SNX14: variants seen among roughly 807,000 people sequenced by gnomAD.
SNX14 encodes sorting nexin-14.
SNX14 carries 93 observed loss-of-function variants against 133.8 expected under a neutral mutation model. The ratio of observed to expected loss-of-function variants is 0.70; its 90% CI spans 0.59 to 0.83. The LOEUF is 0.83. Ranked by LOEUF, SNX14 falls within the 40% of genes least tolerant of loss-of-function variation. The pLI is 0.00. For synonymous variants in SNX14, 368 were observed against 365.6 expected (o/e 1.01, Z -0.07); for missense variants, 945 against 1,094.9 (o/e 0.86, Z 1.93).
At chr6:85,576,209 C>T (rs1469388589) in intron 1 of SNX14, among the ~76,000 whole-genome samples, 3 of 152,130 alleles carry the variant, frequency 2.0e-5, no homozygotes, top group Non-Finnish European at 4.4e-5. Context: ...TATTATCTTA[C>T]AAGAAAATGC....
At chr6:85,591,218 ATC>A (rs1161571288) in intron 1 of SNX14, among the ~76,000 whole-genome samples, 6 of 104,138 alleles carry the variant, frequency 5.8e-5, no homozygotes, top group African/African-American at 1.1e-4. Flanking sequence ...TACTCTTATC[ATC>A]TGTGTGTGTG....
chr6:85,527,705 A>G lies in SNX14; in HGVS notation c.1995+557T>C, dbSNP rs76087123. On this transcript the variant is annotated intron_variant, in intron 20 of 28. Transcript: ENST00000314673. Reference sequence around the variant, plus strand: ...TGACTGTACCATGTATTTAAATAATACACCCATACATTTTAACATAATGTA... The same window carrying G: ...TGACTGTACCATGTATTTAAATAATGCACCCATACATTTTAACATAATGTA... Among the ~76,000 whole-genome samples the G allele has an allele frequency of 1.3e-4, 20 of 152,288 alleles. No homozygotes were observed. The East Asian group carries it at 2.9e-3, about 22-fold the overall frequency.
rs1301967087 is a variant in SNX14, at chr6:85,514,579, CTCTG to C, written c.2315_2318del (p.Thr772ArgfsTer12). The C allele has an allele frequency of 1.9e-6, 3 of 1,613,096 alleles. No individual in the cohort carries two copies. The highest frequency in any genetic ancestry group is 2.7e-5 in the African/African-American group (2 of 74,868). On this transcript the variant is annotated frameshift_variant, in exon 24 of 29. Coordinates refer to ENST00000314673, the MANE Select transcript of SNX14 (RefSeq NM_153816.6). LOFTEE classifies it high-confidence loss of function. ...TAAAATAATTCTGATTTTGCTTTCTCTCTGTATTTTCAGCACGGTTTGCATTATT... is the reference window on the plus strand; with the variant it reads ...TAAAATAATTCTGATTTTGCTTTCTCTATTTTCAGCACGGTTTGCATTATT...
At position 85,547,671 on chromosome 6, in the gene SNX14, A is replaced by G. The variant is rs1340719385; in HGVS notation, c.868-121T>C. On this transcript the variant is annotated intron_variant, in intron 9 of 28. Coordinates refer to ENST00000314673, the MANE Select transcript of SNX14 (RefSeq NM_153816.6). ...AAAATGAAAAAATAAATGGAGCAGT[A>G]GCAAAAAATCTGCACATATGTATTA... is the stretch of plus-strand genomic sequence containing the variant. 7 of 844,932 alleles carry G rather than the reference A, an allele frequency of 8.3e-6. No homozygotes were observed. In the East Asian group the frequency reaches 8.3e-5, roughly 10 times the overall value. 52.3% of individuals were successfully genotyped at this position (844,932 alleles called of 1,614,324 possible).
intron 1 of SNX14, among the ~76,000 whole-genome samples, chr6:85,580,716 G>T (rs1411497043): frequency 2.0e-5 from 3 of 152,158 alleles, no homozygotes; most frequent in African/African-American, 4.8e-5. Flanking sequence ...ATAGAGTCTA[G>T]CAGCACTCCC....
intron 6 of SNX14, among the ~76,000 whole-genome samples, chr6:85,559,556 G>A (rs1054512809): frequency 6.6e-6 from 1 of 152,150 alleles, no homozygotes; most frequent in Non-Finnish European, 1.5e-5. Flanking sequence ...ACAGAATCAT[G>A]AACAGAACAT....
chr6:85,532,790 T>C (rs1228997350), intron 18 of SNX14, among the ~76,000 whole-genome samples: 1 of 152,248 alleles, frequency 6.6e-6, no homozygotes, highest in African/African-American at 2.4e-5. Flanking sequence ...ACAGATACTG[T>C]TAAACCCGGT....
intron 26 of SNX14, among the ~76,000 whole-genome samples, chr6:85,511,928 G>A (rs1253862239): frequency 6.6e-6 from 1 of 152,202 alleles, no homozygotes; most frequent in Non-Finnish European, 1.5e-5. Flanking sequence ...GTAATGTGGT[G>A]ATAAAATATG....
intron 1 of SNX14, 34 bp from the exon 2 acceptor site, chr6:85,574,412 A>G (rs1250959945): frequency 6.9e-7 from 1 of 1,445,800 alleles, no homozygotes; most frequent in South Asian, 1.4e-5. Flanking sequence ...ATTACAACCA[A>G]AGAAAATGCC....
rs150418648 is a variant in SNX14, at chr6:85,593,620, G to A, written c.99C>T (p.Phe33=). ...AGGCGGCGCTGAGACAGAGCAGCAG[G>A]AAGCAGAACAGCGGGTACTGGCGGC... ...EICRQYPLFC[F]LLLCLSAASL... The change falls in exon 1 of 29, where the codon TTC becomes TTT. Residue 33 remains phenylalanine (F), a synonymous_variant. Coordinates refer to ENST00000314673, the MANE Select transcript of SNX14 (RefSeq NM_153816.6). 316 of 1,613,562 alleles carry A rather than the reference G, an allele frequency of 2.0e-4. No homozygotes were observed. The highest frequency in any genetic ancestry group is 2.6e-4 in the Non-Finnish European group (308 of 1,179,908).
At chr6:85,537,425 A>G (rs571907300) in intron 16 of SNX14, among the ~76,000 whole-genome samples, 237 of 152,296 alleles carry the variant, frequency 1.6e-3, no homozygotes, top group Non-Finnish European at 2.8e-3. Context: ...AATAGTGCCA[A>G]AGGGAAAGGT....
intron 18 of SNX14, among the ~76,000 whole-genome samples, chr6:85,531,336 T>A (rs959685942): frequency 7.2e-5 from 11 of 152,222 alleles, no homozygotes; most frequent in African/African-American, 2.7e-4. Context: ...ATAATCCACA[T>A]AAAGCACTTC....
chr6:85,591,269 T>A (rs1335327044), intron 1 of SNX14, among the ~76,000 whole-genome samples: 1 of 152,040 alleles, frequency 6.6e-6, no homozygotes, highest in Non-Finnish European at 1.5e-5. Context: ...TTTTTTTTTT[T>A]AATCACACAT....
intron 1 of SNX14, among the ~76,000 whole-genome samples, chr6:85,589,971 C>T (rs1802289329): frequency 6.6e-6 from 1 of 152,154 alleles, no homozygotes; most frequent in South Asian, 2.1e-4. Flanking sequence ...GAATTAGAGA[C>T]ATTATGTCTG....
intron 12 of SNX14, among the ~76,000 whole-genome samples, chr6:85,544,815 C>T (rs569910428): frequency 4.2e-4 from 64 of 152,248 alleles, no homozygotes; most frequent in Non-Finnish European, 9.1e-4. Context: ...ATTTTAAGAA[C>T]TGTGAAAATG....
At chr6:85,507,326 G>A (rs779927802) in intron 27 of SNX14, 37 bp from the exon 28 acceptor site, 22 of 1,512,200 alleles carry the variant, frequency 1.5e-5, no homozygotes, top group Non-Finnish European at 1.9e-5. Flanking sequence ...AAATGTTAAG[G>A]CACTAAACAC....
At chr6:85,530,474 G>A (rs1031681720) in intron 18 of SNX14, among the ~76,000 whole-genome samples, 199 bp from the exon 19 acceptor site, 20 of 151,830 alleles carry the variant, frequency 1.3e-4, no homozygotes, top group African/African-American at 4.4e-4. Flanking sequence ...GTGAAATCCC[G>A]CTTCTACTAA....
chr6:85,565,241 A>T, intron 6 of SNX14, 91 bp downstream of exon 6: 1 of 709,262 alleles, frequency 1.4e-6, no homozygotes, highest in Non-Finnish European at 2.4e-6. Context: ...AAATATGTAC[A>T]TTTGCCATGT....
At chr6:85,507,698 T>C (rs1771209523) in intron 27 of SNX14, among the ~76,000 whole-genome samples, 1 of 152,202 alleles carries the variant, frequency 6.6e-6, no homozygotes, top group Non-Finnish European at 1.5e-5. Flanking sequence ...TATCCATTTT[T>C]AATTTTTTAC....
Sources: gnomAD v4.1 joint callset for allele counts (sites outside exome capture counted in the v4.1 genomes callset) on GRCh38, gnomAD v4.1.1 for gene constraint, MANE v1.5 for transcripts, NCBI Gene and HGNC (gene_info 2026-07-23, HGNC 2026-07-21) for gene names.